The following MAGI2 variants were observed in gnomAD, a reference collection of about 807,000 sequenced individuals.
MAGI2 encodes the protein membrane-associated guanylate kinase, WW and PDZ domain-containing protein 2.
Under a neutral mutation model 133.3 loss-of-function variants are expected in MAGI2, and 35 were observed. The ratio of observed to expected loss-of-function variants is 0.26; its 90% CI spans 0.20 to 0.35. The LOEUF is 0.35. Among genes scored for constraint, MAGI2 ranks in the 10% least tolerant of loss-of-function variants. The pLI is 1.00. For missense variants in MAGI2, 1,636 were observed against 1,863.4 expected (o/e 0.88, Z 2.25); for synonymous variants, 729 against 710.6 (o/e 1.03, Z -0.41).
intron 1 of MAGI2, among the ~76,000 whole-genome samples, chr7:79,074,258 T>C (rs1210455408): frequency 6.6e-6 from 1 of 152,216 alleles, no homozygotes; most frequent in Non-Finnish European, 1.5e-5. Context: ...TATGTAGCCC[T>C]GACTTTAAAC....
intron 20 of MAGI2, among the ~76,000 whole-genome samples, chr7:78,084,740 T>A (rs968625355): frequency 6.6e-6 from 1 of 152,136 alleles, no homozygotes. Context: ...AGAATTAGGG[T>A]CTTTGCTGCT....
At chr7:78,709,698 T>A (rs1020169251) in intron 2 of MAGI2, among the ~76,000 whole-genome samples, 2 of 152,216 alleles carry the variant, frequency 1.3e-5, no homozygotes, top group Admixed American at 6.6e-5. Flanking sequence ...TCCGGCAGAA[T>A]TTATATGTGT....
chr7:79,097,081 C>T (rs1817581048), intron 1 of MAGI2, among the ~76,000 whole-genome samples: 1 of 152,116 alleles, frequency 6.6e-6, no homozygotes, highest in South Asian at 2.1e-4. Flanking sequence ...TTTAAAATTA[C>T]ACTTATTATT....
intron 10 of MAGI2, among the ~76,000 whole-genome samples, chr7:78,246,514 C>T (rs1196363884): frequency 1.3e-5 from 2 of 152,124 alleles, no homozygotes; most frequent in African/African-American, 4.8e-5. Flanking sequence ...TACCCTCCTT[C>T]CCTGGAGTCA....
chr7:78,455,653 T>C (rs1398975134), intron 6 of MAGI2, among the ~76,000 whole-genome samples: 1 of 152,176 alleles, frequency 6.6e-6, no homozygotes, highest in Non-Finnish European at 1.5e-5. Flanking sequence ...ACTTATTAAA[T>C]TGTGGCTATT....
intron 6 of MAGI2, among the ~76,000 whole-genome samples, chr7:78,467,362 AAGG>A (rs1405306891): frequency 1.3e-5 from 2 of 152,138 alleles, no homozygotes; most frequent in African/African-American, 4.8e-5. Flanking sequence ...AAACAGAGGC[AAGG>A]AGATACTTCA....
chr7:79,109,487 T>C (rs564913203), intron 1 of MAGI2, among the ~76,000 whole-genome samples: 14 of 152,274 alleles, frequency 9.2e-5, no homozygotes, highest in Non-Finnish European at 2.1e-4. Context: ...GGAAGAAATG[T>C]CTAAGGAGCA....
At chr7:79,393,393 T>G (rs917660228) in intron 1 of MAGI2, among the ~76,000 whole-genome samples, 6 of 152,216 alleles carry the variant, frequency 3.9e-5, no homozygotes, top group African/African-American at 1.4e-4. Flanking sequence ...ATGCAGTGAT[T>G]CATCTGAGTA....
At chr7:79,401,117 A>G (rs1246256988) in intron 1 of MAGI2, among the ~76,000 whole-genome samples, 3 of 152,178 alleles carry the variant, frequency 2.0e-5, no homozygotes, top group African/African-American at 7.2e-5. Flanking sequence ...ATTATGCCAT[A>G]ACAAATACAA....
intron 16 of MAGI2, among the ~76,000 whole-genome samples, chr7:78,149,786 C>T (rs1823692726): frequency 1.3e-5 from 2 of 152,164 alleles, no homozygotes; most frequent in Non-Finnish European, 2.9e-5. Context: ...AGGTTTTAGG[C>T]ACTTCACTCT....
At chr7:78,079,140 T>C (rs1815688072) in intron 20 of MAGI2, 55 bp from the exon 21 acceptor site, 2 of 1,532,370 alleles carry the variant, frequency 1.3e-6, no homozygotes, top group Non-Finnish European at 1.8e-6. Flanking sequence ...CAAGTTGCAT[T>C]GTCAACAGAT....
Position 78,521,509 on chromosome 7 carries a change from C to G in MAGI2, c.675G>C (p.Glu225Asp). 1 of 1,614,152 alleles carries G rather than the reference C, an allele frequency of 6.2e-7. No individual in the cohort carries two copies. ...CCTCAGGAGGCTCTATACTGGCTTT[C>G]TCCATGTTGCTCACTGATTTATTCC... Reference protein sequence around the residue: ...RKRNKSVSNMEKASIEPPEEE... With the variant: ...RKRNKSVSNMDKASIEPPEEE... Residue 225 changes from glutamate (E) to aspartate (D), a missense_variant, in exon 4 of 22, where the codon GAG becomes GAC. Coordinates refer to ENST00000354212, the MANE Select transcript of MAGI2 (RefSeq NM_012301.4).
At position 78,643,639 on chromosome 7, in the gene MAGI2, A is replaced by G. The variant is rs149786027; in HGVS notation, c.419-16400T>C. ...AGACAGTTCTCAAAATGATAAATATAAAATATATAGCTTAATCCCTTTAAA... is the reference window on the plus strand; with the variant it reads ...AGACAGTTCTCAAAATGATAAATATGAAATATATAGCTTAATCCCTTTAAA... On this transcript the variant is annotated intron_variant, in intron 2 of 21. Transcript: ENST00000354212. Among the ~76,000 whole-genome samples the G allele has an allele frequency of 3.7e-3, 566 of 152,304 alleles. 8 individuals are homozygous for G. The highest frequency in any genetic ancestry group is 0.013 in the Admixed American group (201 of 15,296).
intron 1 of MAGI2, among the ~76,000 whole-genome samples, chr7:79,387,813 T>A (rs1844299379): frequency 6.6e-6 from 1 of 151,982 alleles, no homozygotes; most frequent in Admixed American, 6.6e-5. Flanking sequence ...TTTTTTTAAA[T>A]TTGGAACATG....
chr7:78,169,673 G>A (rs1825938899), intron 14 of MAGI2, among the ~76,000 whole-genome samples: 1 of 152,222 alleles, frequency 6.6e-6, no homozygotes, highest in South Asian at 2.1e-4. Context: ...CCTGGGGAGT[G>A]AGGTAGGGTG....
chr7:78,911,244 CAG>C (rs1563654011), intron 2 of MAGI2, among the ~76,000 whole-genome samples: 1 of 151,716 alleles, frequency 6.6e-6, no homozygotes, highest in Non-Finnish European at 1.5e-5. Context: ...TTTTTTTTCA[CAG>C]ATAGTGGATT....
chr7:78,980,765 A>C (rs951332021), intron 2 of MAGI2, among the ~76,000 whole-genome samples: 1 of 151,472 alleles, frequency 6.6e-6, no homozygotes, highest in African/African-American at 2.4e-5. Flanking sequence ...TTCTTGGTTC[A>C]GTTTCGTTTT....
chr7:78,326,721 A>G (rs915814182), intron 9 of MAGI2, among the ~76,000 whole-genome samples: 1 of 152,222 alleles, frequency 6.6e-6, no homozygotes, highest in African/African-American at 2.4e-5. Context: ...TTCCTTAATG[A>G]TATCTTGGGA....
intron 15 of MAGI2, among the ~76,000 whole-genome samples, chr7:78,165,518 T>A (rs1206785421): frequency 6.6e-6 from 1 of 152,124 alleles, no homozygotes; most frequent in Admixed American, 6.6e-5. Flanking sequence ...GGGGCGGGCA[T>A]TTGTATAAGC....
Sources: allele counts gnomAD v4.1 joint callset (sites outside exome capture counted in the v4.1 genomes callset), GRCh38; gene constraint gnomAD v4.1.1; transcripts MANE v1.5; gene names NCBI Gene and HGNC (gene_info 2026-07-23, HGNC 2026-07-21).